Variants in GRIN2A observed in about 807,000 individuals in gnomAD.
GRIN2A encodes the protein glutamate ionotropic receptor NMDA type subunit 2A.
Under a neutral mutation model 113.4 loss-of-function variants are expected in GRIN2A, and 22 were observed. That is an observed-to-expected ratio of 0.19 (90% confidence interval 0.14 to 0.28). The LOEUF (loss-of-function observed/expected upper bound fraction) is 0.28. Among genes scored for constraint, GRIN2A ranks in the 10% least tolerant of loss-of-function variants. The pLI, the probability that GRIN2A is intolerant of heterozygous loss-of-function variation, is 1.00. For synonymous variants in GRIN2A, 827 were observed against 738.4 expected (o/e 1.12, Z -1.94); for missense variants, 1,502 against 1,887.0 (o/e 0.80, Z 3.78).
chr16:9,832,086 T>TTTTATTTATTTA lies in GRIN2A; in HGVS notation c.1777+2007_1777+2018dup, dbSNP rs35044218. 5.5e-4 allele frequency among the ~76,000 whole-genome samples: 75 copies of TTTTATTTATTTA among 135,654 alleles called. 1 individual carries two copies. The highest frequency in any genetic ancestry group is 9.8e-4 in the Admixed American group (13 of 13,220). The allele number at this position is 135,654 out of a possible 152,430, so 89.0% of individuals were successfully genotyped here. A position where few individuals can be genotyped will look rare whatever the true frequency, so the allele number is the denominator to read the frequency against. The stretch of plus-strand genomic sequence containing the variant: ...GGCACGCATCATCACGCCAGGCTTA[T>TTTTATTTATTTA]TTTATTTATTTATTTATTTATTTAT... On this transcript the variant is annotated intron_variant, in intron 8 of 12. Transcript: ENST00000330684.
intron 2 of GRIN2A, among the ~76,000 whole-genome samples, chr16:10,122,385 G>C (rs571216990): frequency 9.9e-5 from 15 of 152,278 alleles, no homozygotes; most frequent in African/African-American, 3.1e-4. Context: ...AGCTACAAAA[G>C]CGGGGAGGTA....
Position 9,822,003 on chromosome 16 carries a change from C to A in GRIN2A, c.2168+261G>T, listed in dbSNP as rs187419035. On this transcript the variant is annotated intron_variant, in intron 10 of 12. Coordinates refer to ENST00000330684, the MANE Select transcript of GRIN2A (RefSeq NM_001134407.3). The stretch of plus-strand genomic sequence containing the variant: ...AAAATATCCTATGGAGTTGGACAAA[C>A]TTCTTTATCAGTTTAAGAAACCCCT... 2.9e-3 allele frequency among the ~76,000 whole-genome samples: 438 copies of A among 152,276 alleles called. 2 individuals are homozygous for A. Among genetic ancestry groups the A allele is most frequent in the African/African-American group, 1.0e-2 (414 of 41,556 alleles).
chr16:10,090,027 T>C (rs1038181726), intron 2 of GRIN2A, among the ~76,000 whole-genome samples: 1 of 152,210 alleles, frequency 6.6e-6, no homozygotes, highest in African/African-American at 2.4e-5. Context: ...AAAAAAAATC[T>C]TAAGATACAT....
chr16:9,960,037 T>A (rs370590887), intron 2 of GRIN2A, among the ~76,000 whole-genome samples: 2 of 152,044 alleles, frequency 1.3e-5, no homozygotes, highest in African/African-American at 4.8e-5. Context: ...ACCACATAAT[T>A]GAGCAATATT....
chr16:9,785,907 C>T (rs941630487), intron 11 of GRIN2A, among the ~76,000 whole-genome samples: 13 of 152,082 alleles, frequency 8.5e-5, no homozygotes, highest in African/African-American at 1.2e-4. Context: ...TATCCCACCA[C>T]CTGGAGTTTA....
intron 8 of GRIN2A, among the ~76,000 whole-genome samples, chr16:9,830,652 G>A (rs1466951406): frequency 6.6e-6 from 1 of 152,194 alleles, no homozygotes; most frequent in Non-Finnish European, 1.5e-5. Context: ...AGTGGCAGAA[G>A]CAAATTCACA....
chr16:9,949,407 A>T (rs1184718413), intron 2 of GRIN2A, among the ~76,000 whole-genome samples: 1 of 150,988 alleles, frequency 6.6e-6, no homozygotes, highest in Non-Finnish European at 1.5e-5. Context: ...GTCAAATAGG[A>T]CAAATGGATG....
At chr16:10,116,541 G>T (rs549302461) in intron 2 of GRIN2A, among the ~76,000 whole-genome samples, 56 of 152,338 alleles carry the variant, frequency 3.7e-4, no homozygotes, top group Admixed American at 8.5e-4. Context: ...AATTACTTCA[G>T]TTAAGTTTTA....
chr16:10,014,284 C>G (rs1450235149), intron 2 of GRIN2A, among the ~76,000 whole-genome samples: 2 of 152,176 alleles, frequency 1.3e-5, no homozygotes, highest in South Asian at 4.1e-4. Context: ...AATTTTATAA[C>G]CTAAATGCAA....
At chr16:9,826,542 A>C (rs996134933) in intron 9 of GRIN2A, among the ~76,000 whole-genome samples, 1 of 152,182 alleles carries the variant, frequency 6.6e-6, no homozygotes, top group Non-Finnish European at 1.5e-5. Context: ...AAAAACAAAA[A>C]CAAAAAACAA....
chr16:10,133,231 C>T (rs986760748), intron 2 of GRIN2A, among the ~76,000 whole-genome samples: 1 of 152,206 alleles, frequency 6.6e-6, no homozygotes, highest in African/African-American at 2.4e-5. Flanking sequence ...GTTCTGCCTG[C>T]CAGGCCACCA....
intron 3 of GRIN2A, among the ~76,000 whole-genome samples, chr16:9,900,246 C>T (rs998292817): frequency 5.3e-5 from 8 of 152,156 alleles, no homozygotes; most frequent in Admixed American, 3.3e-4. Context: ...AATGAGAGCT[C>T]GTCTAGGCCC....
intron 3 of GRIN2A, among the ~76,000 whole-genome samples, chr16:9,909,277 C>T (rs1567170046): frequency 6.6e-6 from 1 of 152,194 alleles, no homozygotes; most frequent in Non-Finnish European, 1.5e-5. Flanking sequence ...TTACCTCCCA[C>T]CAGGTCCTTC....
At chr16:9,810,182 A>C (rs2042059871) in intron 10 of GRIN2A, among the ~76,000 whole-genome samples, 1 of 152,166 alleles carries the variant, frequency 6.6e-6, no homozygotes, top group African/African-American at 2.4e-5. Context: ...TGATGGTGGG[A>C]GTTCACACGC....
chr16:10,175,944 G>C (rs2050135098), intron 2 of GRIN2A, among the ~76,000 whole-genome samples: 1 of 151,382 alleles, frequency 6.6e-6, no homozygotes, highest in Non-Finnish European at 1.5e-5. Flanking sequence ...GATAAGATTA[G>C]AACTTCATCT....
chr16:9,873,136 A>G (rs1247322669), intron 4 of GRIN2A, among the ~76,000 whole-genome samples: 2 of 152,210 alleles, frequency 1.3e-5, no homozygotes, highest in East Asian at 3.8e-4. Context: ...TAATGCATAC[A>G]GTTAGATGCA....
chr16:9,945,306 T>G (rs949819036), intron 2 of GRIN2A, among the ~76,000 whole-genome samples: 1 of 150,682 alleles, frequency 6.6e-6, no homozygotes, highest in African/African-American at 2.4e-5. Context: ...GAAGAAGGAG[T>G]CATCCAGGCA....
At position 9,822,363 on chromosome 16, in the gene GRIN2A, G is replaced by A. The variant is rs1445802934; in HGVS notation, c.2069C>T (p.Thr690Met). ...FRFGTVPNGS[T>M]ERNIRNNYPY... ...ATAGTTATTCCGAATGTTTCTCTCC[G>A]TGCTTCCATTAGGCACTGTCCCAAA... Residue 690 changes from threonine to methionine, a missense_variant, in exon 10 of 13, where the codon ACG becomes ATG. This residue lies in a region of GRIN2A where 101 missense variants were observed against 240.4 expected (regional missense o/e 0.42). Transcript: ENST00000330684. 1 of 1,612,284 alleles carries A rather than the reference G, an allele frequency of 6.2e-7. No homozygotes were observed. The highest frequency in any genetic ancestry group is 8.5e-7 in the Non-Finnish European group (1 of 1,178,448).
At chr16:10,065,863 C>T (rs73508688) in intron 2 of GRIN2A, among the ~76,000 whole-genome samples, 4,566 of 152,210 alleles carry the variant, frequency 0.03, 243 homozygotes, top group African/African-American at 0.11. Context: ...GGGCGCTTAA[C>T]ATGGTTTGGT....
Sources: allele counts gnomAD v4.1 joint callset (sites outside exome capture counted in the v4.1 genomes callset), GRCh38; gene constraint gnomAD v4.1.1; regional missense constraint gnomAD v4.1.1; transcripts MANE v1.5; gene names NCBI Gene and HGNC (gene_info 2026-07-23, HGNC 2026-07-21).